The following SPTBN5 variants were observed in gnomAD, a reference collection of about 807,000 sequenced individuals.
SPTBN5 encodes spectrin beta chain, non-erythrocytic 5.
SPTBN5 carries 513 observed loss-of-function variants against 477.6 expected under a neutral mutation model. The ratio of observed to expected loss-of-function variants is 1.07; its 90% confidence interval spans 1.00 to 1.16. SPTBN5 has a LOEUF of 1.16. Ranked by LOEUF, SPTBN5 falls within the 50% of genes most tolerant of loss-of-function variation. The pLI, the probability that SPTBN5 is intolerant of heterozygous loss-of-function variation, is 0.00. For synonymous variants in SPTBN5, 2,169 were observed against 2,011.7 expected, an observed-to-expected ratio of 1.08 and a Z score of -2.09; for missense variants, 5,062 against 4,731.8, an observed-to-expected ratio of 1.07 and a Z score of -2.05.
At position 41,872,312 on chromosome 15, in the gene SPTBN5, C is replaced by T. The variant is rs200733687; in HGVS notation, c.5155G>A (p.Ala1719Thr). ...TTATGGTGTCCTCACCGTGTGGCCG[C>T]CAACTCCTGCAGTGCCCGCAGCTGC... ...REQLRALQEL[A>T]ATRDRELEGT... is the part of the protein sequence containing the mutation. The change falls in exon 27 of 68, where the codon GCG becomes ACG. Residue 1719 changes from alanine to threonine, a missense_variant. Transcript: ENST00000320955. 5.6e-6 allele frequency: 9 copies of T among 1,610,488 alleles called. 1 individual carries two copies. The highest frequency in any genetic ancestry group is 2.2e-5 in the South Asian group (2 of 90,892).
intron 26 of SPTBN5, 27 bp from the exon 27 acceptor site, chr15:41,872,486 G>A (rs1595482066): frequency 1.3e-6 from 2 of 1,540,258 alleles, no homozygotes; most frequent in African/African-American, 2.7e-5. Flanking sequence ...CCCATGCCAG[G>A]CTCAGCCTGG....
At chr15:41,856,193 G>T (rs1453464356) in intron 53 of SPTBN5, among the ~76,000 whole-genome samples, 193 bp downstream of exon 53, 1 of 152,230 alleles carries the variant, frequency 6.6e-6, no homozygotes, top group Non-Finnish European at 1.5e-5. Context: ...GATCTAGAGG[G>T]AAAAAAGACA....
In SPTBN5 at chr15:41,883,093, G is replaced by A. The variant is rs754488777; in HGVS notation, c.1795C>T (p.Leu599=). ...ACACTGGTGCCCAGGGAGGAGTCCA[G>A]CTCTGCTGTCTGCTGAGCAAGATGG... ...VSHLAQQTAE[L]DSSLGTSVEV... The change falls in exon 9 of 68, where the codon CTG becomes TTG. Residue 599 remains leucine (L), a synonymous_variant. Transcript: ENST00000320955. The A allele has an allele frequency of 6.2e-7, 1 of 1,605,930 alleles. No homozygotes were observed. The highest frequency in any genetic ancestry group is 8.5e-7 in the Non-Finnish European group (1 of 1,176,704).
chr15:41,853,083 A>T, intron 59 of SPTBN5, 83 bp from the exon 60 acceptor site: 1 of 1,443,478 alleles, frequency 6.9e-7, no homozygotes, highest in African/African-American at 1.4e-5. Flanking sequence ...CCAAGTGTTA[A>T]TGGAAGTGCA....
chr15:41,856,321 C>T, intron 53 of SPTBN5, 65 bp downstream of exon 53: 1 of 1,416,532 alleles, frequency 7.1e-7, no homozygotes, highest in South Asian at 1.5e-5. Flanking sequence ...CCGGAGTGAC[C>T]TCCCAGCCGC....
intron 35 of SPTBN5, 122 bp from the exon 36 acceptor site, chr15:41,867,248 G>A: frequency 8.4e-7 from 1 of 1,190,748 alleles, no homozygotes; most frequent in Non-Finnish European, 1.1e-6. Flanking sequence ...ACATGGCTGA[G>A]GGGTATCTGA....
intron 3 of SPTBN5, among the ~76,000 whole-genome samples, chr15:41,890,850 A>T (rs895112633): frequency 1.3e-5 from 2 of 152,226 alleles, no homozygotes; most frequent in Non-Finnish European, 2.9e-5. Flanking sequence ...GGGTGAGTCA[A>T]GGGGAGAAGC....
chr15:41,874,260 C>T (rs769480946), intron 24 of SPTBN5, 32 bp downstream of exon 24: 21 of 1,586,316 alleles, frequency 1.3e-5, no homozygotes, highest in East Asian at 4.5e-5. Flanking sequence ...AAGCGGATGT[C>T]GGTAATCCTG....
chr15:41,855,195 C>T (rs1325214065), intron 55 of SPTBN5, 29 bp downstream of exon 55: 1 of 1,591,292 alleles, frequency 6.3e-7, no homozygotes, highest in African/African-American at 1.3e-5. Flanking sequence ...CTGCCCACTC[C>T]CCGTGAGGTT....
chr15:41,866,414 G>T lies in SPTBN5; in HGVS notation c.6560C>A (p.Pro2187His), dbSNP rs749978712. The T allele has an allele frequency of 3.0e-5, 49 of 1,611,664 alleles. No homozygotes were observed. Among genetic ancestry groups the T allele is most frequent in the African/African-American group, 4.0e-5 (3 of 74,872 alleles). ...PPGDLRDKLK[P>H]LLKHQAFEAE... is the part of the protein sequence containing the mutation. ...CTCAAAGGCCTGGTGTTTCAGCAGGGGCTTCAGCTTATCTCTCAGGTCCCC... is the reference window on the plus strand; with the variant it reads ...CTCAAAGGCCTGGTGTTTCAGCAGGTGCTTCAGCTTATCTCTCAGGTCCCC... Residue 2187 changes from proline to histidine, a missense_variant, in exon 37 of 68, where the codon CCC becomes CAC. By Grantham distance (77) the Pro-to-His change is moderately conservative. Transcript: ENST00000320955.
Position 41,882,477 on chromosome 15 carries a change from G to T in SPTBN5, c.2047-8C>A, listed in dbSNP as rs1036088803. On this transcript the variant is annotated splice_polypyrimidine_tract_variant and splice_region_variant and intron_variant, in intron 10 of 67. Coordinates refer to ENST00000320955, the MANE Select transcript of SPTBN5 (RefSeq NM_016642.4). The stretch of plus-strand genomic sequence containing the variant: ...GACCTCAGCTTCCAGGGCCTAGCGG[G>T]GGGCAGAGCAGGGGGCTCAGTGAAG... 3 of 1,557,704 alleles carry T rather than the reference G, an allele frequency of 1.9e-6. No homozygotes were observed. Among genetic ancestry groups the T allele is most frequent in the East Asian group, 2.4e-5 (1 of 42,316 alleles).
chr15:41,852,153 G>A, intron 62 of SPTBN5, 29 bp downstream of exon 62: 1 of 1,550,910 alleles, frequency 6.4e-7, no homozygotes, highest in Non-Finnish European at 8.7e-7. Flanking sequence ...CCACGGCGGG[G>A]GTGCCTGCAG....
chr15:41,858,536 C>T lies in SPTBN5; in HGVS notation c.8226+66G>A. 1.3e-6 allele frequency: 2 copies of T among 1,547,730 alleles called. 1 individual carries two copies. ...CCGTTACTGTGGTTCAGCACCAGCT[C>T]TGGGGCACTGTCCTGTGTTCTGCCT... On this transcript the variant is annotated intron_variant, in intron 49 of 67. Transcript: ENST00000320955.
chr15:41,862,198 C>A lies in SPTBN5; in HGVS notation c.7480G>T (p.Asp2494Tyr). 2 of 1,610,862 alleles carry A rather than the reference C, an allele frequency of 1.2e-6. No individual in the cohort carries two copies. The highest frequency in any genetic ancestry group is 1.7e-6 in the Non-Finnish European group (2 of 1,178,714). Residue 2494 changes from aspartate to tyrosine, a missense_variant, in exon 44 of 68, where the codon GAC becomes TAC. By Grantham distance (160) the Asp-to-Tyr change is radical (BLOSUM62 -3). Transcript: ENST00000320955. ...VSAQRLRAQM[D>Y]TSPAPRSPVE... ...GGGCTGCGAGGAGCGGGGCTCGTGT[C>A]CATCTGAGCCCGCAGCCTCTGGGCG...
At chr15:41,871,941 C>T in intron 27 of SPTBN5, 24 bp from the exon 28 acceptor site, 2 of 1,522,180 alleles carry the variant, frequency 1.3e-6, no homozygotes, top group Non-Finnish European at 1.8e-6. Context: ...CCGTGGTTCC[C>T]CAGAAGTGAG....
chr15:41,868,547 C>A lies in SPTBN5; in HGVS notation c.5908G>T (p.Glu1970Ter), dbSNP rs1458045763. The part of the protein sequence containing the change: ...ARVRQDLQVE[E>*]SSQEPSSGPL... ...CCACTGCTAGGCTCTTGCGAACTCT[C>A]CTCCACCTGCAGGTCCTGGCGCACG... Residue 1970 changes from glutamate (E) to a stop codon, truncating the protein, a stop_gained, in exon 33 of 68, where the codon GAG (glutamate) becomes TAG (stop). Transcript: ENST00000320955. LOFTEE classifies it high-confidence loss of function. 1 of 1,605,444 alleles carries A rather than the reference C, an allele frequency of 6.2e-7. No homozygotes were observed. Among genetic ancestry groups the A allele is most frequent in the East Asian group, 2.2e-5 (1 of 44,874 alleles).
At chr15:41,873,736 C>A in intron 25 of SPTBN5, 109 bp downstream of exon 25, 1 of 1,513,368 alleles carries the variant, frequency 6.6e-7, no homozygotes, top group East Asian at 2.3e-5. Context: ...CATCAGCTCC[C>A]AGCCCAGAGC....
At chr15:41,890,815 A>G (rs1171742753) in intron 3 of SPTBN5, among the ~76,000 whole-genome samples, 1 of 152,192 alleles carries the variant, frequency 6.6e-6, no homozygotes, top group African/African-American at 2.4e-5. Context: ...TCTGCCCTAC[A>G]TCCTGCCATT....
chr15:41,886,941 G>A (rs992792230), intron 6 of SPTBN5, among the ~76,000 whole-genome samples: 2 of 152,166 alleles, frequency 1.3e-5, no homozygotes, highest in African/African-American at 2.4e-5. Flanking sequence ...CCCGAGAGTC[G>A]GGAAGAAGGG....
Sources: allele counts gnomAD v4.1 joint callset (sites outside exome capture counted in the v4.1 genomes callset), GRCh38; gene constraint gnomAD v4.1.1; transcripts MANE v1.5; gene names NCBI Gene and HGNC (gene_info 2026-07-23, HGNC 2026-07-21).